CCDC73: variants seen among roughly 807,000 people sequenced by gnomAD.
The protein encoded by CCDC73 is coiled-coil domain-containing protein 73.
CCDC73 carries 95 observed loss-of-function variants against 116.5 expected under a neutral mutation model. The ratio of observed to expected loss-of-function variants is 0.82; its 90% CI spans 0.69 to 0.97. The LOEUF (loss-of-function observed/expected upper bound fraction) is 0.97, where lower values mean the gene tolerates loss of function less well. Ranked by LOEUF, CCDC73 falls within the 50% of genes least tolerant of loss-of-function variation. The pLI, the probability that CCDC73 is intolerant of heterozygous loss-of-function variation, is 0.00. For missense variants in CCDC73, 1,066 were observed against 1,206.8 expected (o/e 0.88, Z 1.73); for synonymous variants, 398 against 401.3 (o/e 0.99, Z 0.10).
At chr11:32,797,009 C>CAAA (rs1163144111), upstream of CCDC73, among the ~76,000 whole-genome samples, 81 of 74,584 alleles carry the variant, frequency 1.1e-3, no homozygotes, top group Middle Eastern at 0.011. Flanking sequence ...GAGACTGCCT[C>CAAA]AAAAAAAAAA....
intron 12 of CCDC73, among the ~76,000 whole-genome samples, chr11:32,648,265 T>C (rs1387369496): frequency 6.6e-6 from 1 of 152,266 alleles, no homozygotes; most frequent in African/African-American, 2.4e-5. Flanking sequence ...CCATTGTCCA[T>C]CTGGTTCCCA....
At chr11:32,730,867 T>A (rs903263629) in intron 2 of CCDC73, among the ~76,000 whole-genome samples, 4 of 152,224 alleles carry the variant, frequency 2.6e-5, no homozygotes, top group African/African-American at 9.6e-5. Context: ...GATGGGTGAT[T>A]TCTGCATTTC....
intron 2 of CCDC73, among the ~76,000 whole-genome samples, chr11:32,755,534 AAAATATATATATAT>A (rs1185576060): frequency 3.8e-5 from 2 of 52,028 alleles, no homozygotes; most frequent in African/African-American, 1.5e-4. Flanking sequence ...ACTCCATCTC[AAAATATATATATAT>A]ATATATATAT....
At chr11:32,818,364 G>A in the CCDC73 span, among the ~76,000 whole-genome samples, 1 of 152,192 alleles carries the variant, frequency 6.6e-6, no homozygotes, top group Non-Finnish European at 1.5e-5. Flanking sequence ...ACATCTTTGA[G>A]CTATAGTGCC....
At chr11:32,645,322 T>C (rs1168570652) in intron 12 of CCDC73, among the ~76,000 whole-genome samples, 2 of 150,312 alleles carry the variant, frequency 1.3e-5, no homozygotes, top group African/African-American at 2.4e-5. Flanking sequence ...GACAAAGTCT[T>C]GCTCTGTTGC....
the CCDC73 span, chr11:32,830,496 TGTTTGTTTTA>T: frequency 6.8e-7 from 1 of 1,476,268 alleles, no homozygotes. Flanking sequence ...TATTTTTTTT[TGTTTGTTTTA>T]GTTTGTTTGA....
At chr11:32,625,445 T>G (rs1295825425) in intron 14 of CCDC73, among the ~76,000 whole-genome samples, 1 of 152,226 alleles carries the variant, frequency 6.6e-6, no homozygotes, top group Non-Finnish European at 1.5e-5. Context: ...GTTTAGTGCT[T>G]CCTTCAGGAG....
intron 12 of CCDC73, among the ~76,000 whole-genome samples, chr11:32,650,449 T>C (rs1855816612): frequency 6.6e-6 from 1 of 152,240 alleles, no homozygotes; most frequent in Non-Finnish European, 1.5e-5. Flanking sequence ...GATTAGAAGA[T>C]GCTCTTGGTA....
At chr11:32,720,784 T>G (rs1490906152) in intron 2 of CCDC73, among the ~76,000 whole-genome samples, 2 of 151,890 alleles carry the variant, frequency 1.3e-5, no homozygotes, top group Non-Finnish European at 2.9e-5. Flanking sequence ...ATCAAGAGAG[T>G]AATTATCTCT....
chr11:32,714,402 T>C (rs1019961083), intron 3 of CCDC73, among the ~76,000 whole-genome samples: 1 of 152,156 alleles, frequency 6.6e-6, no homozygotes, highest in Non-Finnish European at 1.5e-5. Context: ...AAGGGACTAA[T>C]GTAATCTGTT....
chr11:32,676,780 T>C (rs540426470), intron 7 of CCDC73, among the ~76,000 whole-genome samples: 249 of 152,194 alleles, frequency 1.6e-3, no homozygotes, highest in African/African-American at 5.7e-3. Context: ...CAAGACCCCA[T>C]CGCTAAAAGA....
upstream of CCDC73, among the ~76,000 whole-genome samples, chr11:32,796,123 C>A (rs972282980): frequency 1.6e-4 from 25 of 152,178 alleles, no homozygotes; most frequent in Middle Eastern, 3.2e-3. Context: ...CCCATAGTAA[C>A]ACCCATGCAC....
chr11:32,608,370 T>C (rs1346740799), intron 17 of CCDC73, among the ~76,000 whole-genome samples: 1 of 152,058 alleles, frequency 6.6e-6, no homozygotes, highest in Non-Finnish European at 1.5e-5. Flanking sequence ...CTGTTCCAAA[T>C]GGGAGAAATT....
chr11:32,692,114 T>G (rs190590472), intron 6 of CCDC73, among the ~76,000 whole-genome samples: 47 of 152,126 alleles, frequency 3.1e-4, no homozygotes, highest in African/African-American at 9.6e-4. Context: ...CTCCTACGTT[T>G]TCTTCTAGGA....
chr11:32,734,939 T>G (rs1476808032), intron 2 of CCDC73, among the ~76,000 whole-genome samples: 2 of 152,182 alleles, frequency 1.3e-5, no homozygotes, highest in African/African-American at 2.4e-5. Context: ...TCTCAATAGA[T>G]GCAGAAAAGG....
chr11:32,759,003 C>A (rs1850367468), intron 2 of CCDC73, among the ~76,000 whole-genome samples: 1 of 151,922 alleles, frequency 6.6e-6, no homozygotes. Flanking sequence ...AATCCTAGAA[C>A]AATATTTGTA....
the CCDC73 span, among the ~76,000 whole-genome samples, chr11:32,809,492 C>G: frequency 5.3e-5 from 8 of 152,210 alleles, no homozygotes; most frequent in Non-Finnish European, 8.8e-5. Context: ...TAAATTCTTT[C>G]TGCATCTGTG....
chr11:32,652,318 G>A (rs201871), intron 12 of CCDC73, among the ~76,000 whole-genome samples: 65,052 of 149,170 alleles, frequency 0.44, 14,606 homozygotes, highest in African/African-American at 0.51. Context: ...AAAAAAAAAA[G>A]AAAGAAAGAA....
At chr11:32,721,723 A>T (rs959879228) in intron 2 of CCDC73, among the ~76,000 whole-genome samples, 2 of 62,568 alleles carry the variant, frequency 3.2e-5, no homozygotes, top group African/African-American at 6.3e-5. Flanking sequence ...CCTCCCGAGT[A>T]GCTGGGAGGG....
Sources: gnomAD v4.1 joint callset for allele counts (sites outside exome capture counted in the v4.1 genomes callset) on GRCh38, gnomAD v4.1.1 for gene constraint, MANE v1.5 for transcripts, NCBI Gene and HGNC (gene_info 2026-07-23, HGNC 2026-07-21) for gene names.